Variants in MIP observed in about 807,000 individuals in gnomAD.
The protein encoded by MIP is lens fiber major intrinsic protein.
A neutral mutation model predicts 21.8 loss-of-function variants in MIP; 14 were observed. The observed-to-expected ratio is 0.64, with a 90% confidence interval of 0.42 to 1.00. The LOEUF is 1.00. Among genes scored for constraint, MIP ranks in the 50% least tolerant of loss-of-function variants. The pLI is 0.00. For synonymous variants in MIP, 133 were observed against 141.4 expected, an observed-to-expected ratio of 0.94 and a Z score of 0.42; for missense variants, 260 against 333.5, an observed-to-expected ratio of 0.78 and a Z score of 1.72.
At position 56,454,618 on chromosome 12, in the gene MIP, G is replaced by A. The variant is rs774174437; in HGVS notation, c.-5C>T. The A allele has an allele frequency of 3.7e-6, 6 of 1,613,598 alleles. No homozygotes were observed. In the African/African-American group the frequency reaches 8.0e-5, roughly 22 times the overall value. On this transcript the variant is annotated 5_prime_UTR_variant, in exon 1 of 4. Transcript: ENST00000652304. ...GGCTGATCGCAGTTCCCACATGGCA[G>A]GGGGGATGGTCACAGTGCCTGGGTC... is the stretch of plus-strand genomic sequence containing the variant.
intron 1 of MIP, 119 bp downstream of exon 1, chr12:56,454,135 C>G: frequency 7.2e-7 from 1 of 1,383,088 alleles, no homozygotes; most frequent in South Asian, 1.3e-5. Context: ...CACACATGCT[C>G]ACACATGCAC....
At position 56,454,624 on chromosome 12, in the gene MIP, A is replaced by T; in HGVS notation, c.-11T>A. 1.2e-6 allele frequency: 2 copies of T among 1,613,396 alleles called. No individual in the cohort carries two copies. Among genetic ancestry groups the T allele is most frequent in the Non-Finnish European group, 1.7e-6 (2 of 1,179,868 alleles). ...TCGCAGTTCCCACATGGCAGGGGGGATGGTCACAGTGCCTGGGTCCCTGCT... is the reference window on the plus strand; with the variant it reads ...TCGCAGTTCCCACATGGCAGGGGGGTTGGTCACAGTGCCTGGGTCCCTGCT... On this transcript the variant is annotated 5_prime_UTR_variant, in exon 1 of 4. Transcript: ENST00000652304.
rs769951572 is a variant in MIP at position 56,449,785 on chromosome 12, A to G, written c.*1495T>C. 10 of 152,216 alleles carry G rather than the reference A, an allele frequency of 6.6e-5. No individual in the cohort carries two copies. The highest frequency in any genetic ancestry group is 1.3e-4 in the Non-Finnish European group (9 of 68,042). The allele number at this position is 152,216 out of a possible 1,614,324, so 9.4% of individuals were successfully genotyped here. On this transcript the variant is annotated 3_prime_UTR_variant, in exon 4 of 4. Transcript: ENST00000652304. ...AAATTTAAAGCTTTCAAAGTATGCA[A>G]GAGGCTCATAAAAGGAAGAAAGCAA...
upstream of MIP, chr12:56,454,753 A>G: frequency 9.9e-7 from 1 of 1,005,100 alleles, no homozygotes; most frequent in South Asian, 1.6e-5. Flanking sequence ...ACCCCTTCAC[A>G]GCTGTGGAGG....
intron 3 of MIP, among the ~76,000 whole-genome samples, chr12:56,452,057 A>G (rs183787738): frequency 6.6e-6 from 1 of 152,166 alleles, no homozygotes; most frequent in Non-Finnish European, 1.5e-5. Flanking sequence ...ATCTCAAAAA[A>G]ATATATATAT....
chr12:56,455,849 A>G (rs1868776241), upstream of MIP, among the ~76,000 whole-genome samples: 1 of 152,196 alleles, frequency 6.6e-6, no homozygotes, highest in Non-Finnish European at 1.5e-5. Context: ...TGAGGCCTGC[A>G]AGAATGGTGC....
chr12:56,451,223 C>A lies in MIP; in HGVS notation c.*57G>T. 3 of 1,534,486 alleles carry A rather than the reference C, an allele frequency of 2.0e-6. No homozygotes were observed. The South Asian group carries it at 3.4e-5, about 17-fold the overall frequency. ...GTCTCTTTCTTCATCTAGGGGCTGG[C>A]TAAACCCCTCCACGTAAACTCAGAA... On this transcript the variant is annotated 3_prime_UTR_variant, in exon 4 of 4. Transcript: ENST00000652304.
Position 56,451,430 on chromosome 12 carries a change from C to T in MIP, c.642G>A (p.Leu214=), listed in dbSNP as rs111983946. The change falls in exon 4 of 4, where the codon CTG becomes CTA. Residue 214 remains leucine, a synonymous_variant. Transcript: ENST00000652304. ...GAAGAAAGTCGTACAGGAGGCTGCC[C>T]AGACCCCCTCCAATGATTGGGCCTA... ...YWVGPIIGGG[L]GSLLYDFLLF... is the part of the protein sequence containing the mutation. 3.7e-6 allele frequency: 6 copies of T among 1,614,104 alleles called. No homozygotes were observed. In the African/African-American group the frequency reaches 6.7e-5, roughly 18 times the overall value.
Position 56,454,654 on chromosome 12 carries a change from C to A in MIP, c.-41G>T. ...CACAGTGCCTGGGTCCCTGCTACCC[C>A]CATGGCCTTGTCTGGGTGGACAGTC... On this transcript the variant is annotated 5_prime_UTR_variant, in exon 1 of 4. Transcript: ENST00000652304. 6.2e-7 allele frequency: 1 copy of A among 1,612,278 alleles called. No homozygotes were observed. The highest frequency in any genetic ancestry group is 1.1e-5 in the South Asian group (1 of 90,842).
Position 56,453,090 on chromosome 12 carries a change from C to T in MIP, c.588G>A (p.Gly196=), listed in dbSNP as rs761005202. 68 of 1,612,488 alleles carry T rather than the reference C, an allele frequency of 4.2e-5. No individual in the cohort carries two copies. Among genetic ancestry groups the T allele is most frequent in the Non-Finnish European group, 5.3e-5 (63 of 1,178,642 alleles). ...CACTCACCCAGTGGTTAGTGAAGTTCCCAGTGAGAATGGCAGGAGCAAAGG... is the reference window on the plus strand; with the variant it reads ...CACTCACCCAGTGGTTAGTGAAGTTTCCAGTGAGAATGGCAGGAGCAAAGG... ...ARSFAPAILT[G]NFTNHWVYWV... The change falls in exon 3 of 4, where the codon GGG becomes GGA. Residue 196 remains glycine (G), a synonymous_variant. Transcript: ENST00000652304.
rs187025111 is a variant in MIP, at chr12:56,452,518, T to C, written c.606+554A>G. 612 of 162,270 alleles carry C rather than the reference T, an allele frequency of 3.8e-3. 4 individuals carry two copies. Among genetic ancestry groups the C allele is most frequent in the African/African-American group, 0.014 (572 of 41,716 alleles). 10.1% of individuals were successfully genotyped at this position (162,270 alleles called of 1,614,324 possible). A position where few individuals can be genotyped will look rare whatever the true frequency, so the allele number is the denominator to read the frequency against. ...CAGCTTTGAAAAATTTTTAAATTATTTCCATATGTTTGGCTTGCACAACAT... is the reference window on the plus strand; with the variant it reads ...CAGCTTTGAAAAATTTTTAAATTATCTCCATATGTTTGGCTTGCACAACAT... On this transcript the variant is annotated intron_variant, in intron 3 of 3. Coordinates refer to ENST00000652304, the MANE Select transcript of MIP (RefSeq NM_012064.4).
intron 1 of MIP, 116 bp downstream of exon 1, chr12:56,454,138 A>G (rs1425736698): frequency 1.2e-5 from 17 of 1,402,440 alleles, no homozygotes; most frequent in Admixed American, 1.7e-5. Flanking sequence ...ACATGCTCAC[A>G]CATGCACATA....
chr12:56,452,598 GTTT>G, intron 3 of MIP: 1 of 203,386 alleles, frequency 4.9e-6, no homozygotes, highest in Non-Finnish European at 1.0e-5. Context: ...TGTGCTAAAT[GTTT>G]CTCACATATA....
chr12:56,451,188 C>T lies in MIP; in HGVS notation c.*92G>A, dbSNP rs538018341. 29 of 1,117,112 alleles carry T rather than the reference C, an allele frequency of 2.6e-5. No individual in the cohort carries two copies. The East Asian group carries it at 6.6e-4, about 25-fold the overall frequency. The allele number at this position is 1,117,112 out of a possible 1,614,324, so 69.2% of individuals were successfully genotyped here. On this transcript the variant is annotated 3_prime_UTR_variant, in exon 4 of 4. Transcript: ENST00000652304. Reference sequence around the variant, plus strand: ...GTTAAAAAATAAAGAAGTACATGACCCTCCCCACAGTCTCTTTCTTCATCT... The same window carrying T: ...GTTAAAAAATAAAGAAGTACATGACTCTCCCCACAGTCTCTTTCTTCATCT...
upstream of MIP, among the ~76,000 whole-genome samples, chr12:56,456,331 G>A (rs898708351): frequency 6.6e-6 from 1 of 152,138 alleles, no homozygotes; most frequent in African/African-American, 2.4e-5. Flanking sequence ...GTCCAATTAG[G>A]TGAGGATAAA....
At chr12:56,455,785 G>A (rs1366168805), upstream of MIP, among the ~76,000 whole-genome samples, 2 of 152,156 alleles carry the variant, frequency 1.3e-5, no homozygotes, top group Non-Finnish European at 2.9e-5. Flanking sequence ...ATAGTGGCAA[G>A]TCATACCGGC....
At position 56,451,151 on chromosome 12, in the gene MIP, C is replaced by T. The variant is rs1565693393; in HGVS notation, c.*129G>A. 8.3e-6 allele frequency: 6 copies of T among 719,022 alleles called. No homozygotes were observed. The highest frequency in any genetic ancestry group is 3.0e-5 in the Admixed American group (1 of 33,886). The allele number at this position is 719,022 out of a possible 1,614,324, so 44.5% of individuals were successfully genotyped here. A position where few individuals can be genotyped will look rare whatever the true frequency, so the allele number is the denominator to read the frequency against. ...AAAAGGAAAAAAAAAAAAAAAACAACCACATACATAAGTTAAAAAATAAAG... is the reference window on the plus strand; with the variant it reads ...AAAAGGAAAAAAAAAAAAAAAACAATCACATACATAAGTTAAAAAATAAAG... On this transcript the variant is annotated 3_prime_UTR_variant, in exon 4 of 4. Coordinates refer to ENST00000652304, the MANE Select transcript of MIP (RefSeq NM_012064.4).
intron 1 of MIP, among the ~76,000 whole-genome samples, chr12:56,453,963 T>A (rs1400556116): frequency 6.6e-6 from 1 of 152,190 alleles, no homozygotes; most frequent in African/African-American, 2.4e-5. Flanking sequence ...CTTACATGTA[T>A]GAGGAAACTG....
chr12:56,450,011 C>T lies in MIP; in HGVS notation c.*1269G>A, dbSNP rs1481492676. 2 of 145,814 alleles carry T rather than the reference C, an allele frequency of 1.4e-5. No homozygotes were observed. Among genetic ancestry groups the T allele is most frequent in the Admixed American group, 1.4e-4 (2 of 14,030 alleles). 9.0% of individuals were successfully genotyped at this position (145,814 alleles called of 1,614,324 possible). ...GTGCCTGTGAATATCCATTGCACTC[C>T]AACCTGGTCAACATAGTAAGACCCC... is the stretch of plus-strand genomic sequence containing the variant. On this transcript the variant is annotated 3_prime_UTR_variant, in exon 4 of 4. Coordinates refer to ENST00000652304, the MANE Select transcript of MIP (RefSeq NM_012064.4).
Sources: allele counts gnomAD v4.1 joint callset (sites outside exome capture counted in the v4.1 genomes callset), GRCh38; gene constraint gnomAD v4.1.1; transcripts MANE v1.5; gene names NCBI Gene and HGNC (gene_info 2026-07-23, HGNC 2026-07-21).